Variants in TRMT1 observed in about 807,000 individuals in gnomAD.
The protein encoded by TRMT1 is tRNA methyltransferase 1.
A neutral mutation model predicts 75.4 loss-of-function variants in TRMT1; 63 were observed. The ratio of observed to expected loss-of-function variants is 0.84; its 90% CI spans 0.68 to 1.03. The LOEUF is 1.03. Among genes scored for constraint, TRMT1 ranks in the 50% least tolerant of loss-of-function variants. The pLI, the probability that TRMT1 is intolerant of heterozygous loss-of-function variation, is 0.00. For missense variants in TRMT1, 870 were observed against 905.3 expected, an observed-to-expected ratio of 0.96 and a Z score of 0.50; for synonymous variants, 382 against 358.1, an observed-to-expected ratio of 1.07 and a Z score of -0.75.
rs1000317587 is a variant in TRMT1 at position 13,115,551 on chromosome 19, A to T, written c.453+75T>A. The T allele has an allele frequency of 3.2e-4, 513 of 1,605,532 alleles. 4 individuals are homozygous for T. Among genetic ancestry groups the T allele is most frequent in the Non-Finnish European group, 9.8e-5 (115 of 1,175,864 alleles). On this transcript the variant is annotated intron_variant, in intron 4 of 16. Transcript: ENST00000357720. ...AAGGAGCCCCCACCACCCACCTCCT[A>T]TAGCTCTCCCCCTCCAGGAGCCCTC...
At chr19:13,110,093 G>C in intron 8 of TRMT1, 65 bp downstream of exon 8, 7 of 1,608,568 alleles carry the variant, frequency 4.4e-6, no homozygotes, top group Non-Finnish European at 5.9e-6. Context: ...AGAAGCCCCA[G>C]ATCCCCCAGG....
At chr19:13,113,075 A>G in intron 5 of TRMT1, 64 bp from the exon 6 acceptor site, 1 of 1,296,222 alleles carries the variant, frequency 7.7e-7, no homozygotes, top group Non-Finnish European at 1.1e-6. Flanking sequence ...TCCCCTACAC[A>G]TATTAACTCG....
Position 13,110,269 on chromosome 19 carries a change from G to A in TRMT1, c.908C>T (p.Ala303Val). The A allele has an allele frequency of 6.2e-7, 1 of 1,605,002 alleles. No individual in the cohort carries two copies. Among genetic ancestry groups the A allele is most frequent in the Non-Finnish European group, 8.5e-7 (1 of 1,175,556 alleles). Residue 303 changes from alanine to valine, a missense_variant, in exon 8 of 17, where the codon GCC (alanine) becomes GTC (valine). Ala to Val is a moderately conservative substitution (Grantham distance 64). Coordinates refer to ENST00000357720, the MANE Select transcript of TRMT1 (RefSeq NM_001136035.4). Reference sequence around the variant, plus strand: ...CACCACGAAGCGCTGGTAGCAGTTGGCGCGGAGGTCCAGGCTGTGCAGGAC... The same window carrying A: ...CACCACGAAGCGCTGGTAGCAGTTGACGCGGAGGTCCAGGCTGTGCAGGAC... ...RIVLHSLDLRANCYQRFVVPL... is the reference protein window; with the variant it reads ...RIVLHSLDLRVNCYQRFVVPL...
At position 13,109,693 on chromosome 19, in the gene TRMT1, G is replaced by A. The variant is rs748001131; in HGVS notation, c.1177-9C>T. On this transcript the variant is annotated splice_polypyrimidine_tract_variant and intron_variant, in intron 10 of 16. Coordinates refer to ENST00000357720, the MANE Select transcript of TRMT1 (RefSeq NM_001136035.4). ...CACATGGGGCCACCAAGCTGGGGGC[G>A]CACCGGGGACAGGTGAGCAGGGACT... 5.0e-5 allele frequency: 80 copies of A among 1,613,732 alleles called. No homozygotes were observed. Among genetic ancestry groups the A allele is most frequent in the South Asian group, 6.6e-5 (6 of 91,074 alleles).
At chr19:13,112,483 TC>T (rs1213304112) in intron 7 of TRMT1, among the ~76,000 whole-genome samples, 1 of 152,258 alleles carries the variant, frequency 6.6e-6, no homozygotes, top group East Asian at 1.9e-4. Flanking sequence ...TGCACTCCTG[TC>T]CTGGCCAAAG....
chr19:13,106,812 T>C (rs2018891321), intron 14 of TRMT1, among the ~76,000 whole-genome samples: 1 of 134,708 alleles, frequency 7.4e-6, no homozygotes, highest in Admixed American at 8.3e-5. Context: ...GTTATTTTTA[T>C]TTTTATTTAT....
In TRMT1 at chr19:13,105,416, G is replaced by T. The variant is rs1488732549; in HGVS notation, c.1704-20C>A. ...TTGCCCCTGTGCGAGGGGAGGAGTA[G>T]GTGGGACCCCATCTGCCCTTTACCC... On this transcript the variant is annotated intron_variant, in intron 15 of 16. Transcript: ENST00000357720. The T allele has an allele frequency of 5.0e-6, 8 of 1,613,656 alleles. No homozygotes were observed. Among genetic ancestry groups the T allele is most frequent in the Non-Finnish European group, 6.8e-6 (8 of 1,179,994 alleles).
intron 7 of TRMT1, among the ~76,000 whole-genome samples, chr19:13,111,776 T>G (rs1402357059): frequency 6.7e-6 from 1 of 148,608 alleles, no homozygotes; most frequent in Non-Finnish European, 1.5e-5. Flanking sequence ...CTCAGCTCAC[T>G]GCAAGCTCCA....
In TRMT1 at chr19:13,109,976, C is replaced by G; in HGVS notation, c.1045G>C (p.Val349Leu). The G allele has an allele frequency of 6.2e-7, 1 of 1,613,658 alleles. No homozygotes were observed. Among genetic ancestry groups the G allele is most frequent in the Non-Finnish European group, 8.5e-7 (1 of 1,179,936 alleles). The change falls in exon 9 of 17, where the codon GTG becomes CTG. Residue 349 changes from valine to leucine, a missense_variant. Physicochemically the swap from Val to Leu is conservative, Grantham distance 32. Transcript: ENST00000357720. ...ASKQALVFQC[V>L]GCGAFHLQRL... The stretch of plus-strand genomic sequence containing the variant: ...TGAAGGTGGAAGGCCCCGCAGCCCA[C>G]ACACTGGAACACCAGCGCCTGCTTG...
Position 13,109,688 on chromosome 19 carries a change from G to A in TRMT1, c.1177-4C>T. On this transcript the variant is annotated splice_polypyrimidine_tract_variant and splice_region_variant and intron_variant, in intron 10 of 16. Coordinates refer to ENST00000357720, the MANE Select transcript of TRMT1 (RefSeq NM_001136035.4). ...CTGCCCACATGGGGCCACCAAGCTG[G>A]GGGCGCACCGGGGACAGGTGAGCAG... is the stretch of plus-strand genomic sequence containing the variant. The A allele has an allele frequency of 6.2e-7, 1 of 1,613,886 alleles. No individual in the cohort carries two copies. Among genetic ancestry groups the A allele is most frequent in the Non-Finnish European group, 8.5e-7 (1 of 1,179,980 alleles).
rs1302095458 is a variant in TRMT1 at position 13,107,855 on chromosome 19, C to T, written c.1402G>A (p.Ala468Thr). 6.4e-7 allele frequency: 1 copy of T among 1,551,502 alleles called. No individual in the cohort carries two copies. The highest frequency in any genetic ancestry group is 2.0e-5 in the Admixed American group (1 of 50,988). The change falls in exon 13 of 17, where the codon GCC (alanine) becomes ACC (threonine). Residue 468 changes from alanine to threonine, a missense_variant. Transcript: ENST00000357720. The part of the protein sequence containing the change: ...NTPSLLQLRS[A>T]LLHADFRVSL... ...ACCCGGAAGTCAGCGTGGAGGAGGG[C>T]CGACCTGGGGAACAGCAGGGATTAT...
chr19:13,107,478 C>T (rs758105598), intron 14 of TRMT1, 96 bp downstream of exon 14: 65 of 1,397,294 alleles, frequency 4.7e-5, no homozygotes, highest in Non-Finnish European at 5.5e-5. Context: ...AGAATGGGCA[C>T]GAGTCTGTGT....
Position 13,109,807 on chromosome 19 carries a change from C to T in TRMT1, c.1138G>A (p.Val380Met), listed in dbSNP as rs1568365441. The change falls in exon 10 of 17, where the codon GTG becomes ATG. Residue 380 changes from valine (V) to methionine (M), a missense_variant. Coordinates refer to ENST00000357720, the MANE Select transcript of TRMT1 (RefSeq NM_001136035.4). Reference protein sequence around the residue: ...AKFSAACGPPVTPECEHCGQR... With the variant: ...AKFSAACGPPMTPECEHCGQR... ...CCACAGTGTTCACACTCGGGGGTCA[C>T]AGGGGGACCACAGGCTGCAGAGAAC... 6.2e-7 allele frequency: 1 copy of T among 1,614,174 alleles called. No individual in the cohort carries two copies. Among genetic ancestry groups the T allele is most frequent in the Admixed American group, 1.7e-5 (1 of 60,024 alleles).
Position 13,105,388 on chromosome 19 carries a change from G to A in TRMT1, c.1712C>T (p.Ala571Val), listed in dbSNP as rs1465542223. 5 of 1,613,566 alleles carry A rather than the reference G, an allele frequency of 3.1e-6. No individual in the cohort carries two copies. The highest frequency in any genetic ancestry group is 4.2e-6 in the Non-Finnish European group (5 of 1,179,974). ...PRPRARPGGK[A>V]ADEAMEERRR... is the part of the protein sequence containing the mutation. ...TCTCTCCTCCATAGCTTCGTCGGCCGCCTTGCCCCTGTGCGAGGGGAGGAG... is the reference window on the plus strand; with the variant it reads ...TCTCTCCTCCATAGCTTCGTCGGCCACCTTGCCCCTGTGCGAGGGGAGGAG... Residue 571 changes from alanine to valine, a missense_variant, in exon 16 of 17, where the codon GCG (alanine) becomes GTG (valine). Physicochemically the swap from Ala to Val is moderately conservative, Grantham distance 64. Coordinates refer to ENST00000357720, the MANE Select transcript of TRMT1 (RefSeq NM_001136035.4).
rs780818695 is a variant in TRMT1, at chr19:13,109,667, C to T, written c.1194G>A (p.Trp398Ter). The change falls in exon 11 of 17, where the codon TGG becomes TGA. Residue 398 changes from tryptophan to a stop codon, truncating the protein, a stop_gained. Transcript: ENST00000357720. LOFTEE classifies it high-confidence loss of function. ...GQRHQLGGPMWAEPIHDLDFV... is the reference protein window; with the variant it reads ...GQRHQLGGPM Reference sequence around the variant, plus strand: ...AATCCAGGTCATGGATGGGCTCTGCCCACATGGGGCCACCAAGCTGGGGGC... The same window carrying T: ...AATCCAGGTCATGGATGGGCTCTGCTCACATGGGGCCACCAAGCTGGGGGC... 3 of 1,613,854 alleles carry T rather than the reference C, an allele frequency of 1.9e-6. No homozygotes were observed. The highest frequency in any genetic ancestry group is 2.7e-5 in the African/African-American group (2 of 74,894).
At chr19:13,112,359 C>A (rs537970886) in intron 7 of TRMT1, among the ~76,000 whole-genome samples, 150 of 152,142 alleles carry the variant, frequency 9.9e-4, no homozygotes, top group African/African-American at 3.4e-3. Context: ...AGTCACTTGC[C>A]CAGAGCTACC....
chr19:13,113,682 G>A (rs1357484308), intron 5 of TRMT1, among the ~76,000 whole-genome samples: 4 of 151,784 alleles, frequency 2.6e-5, no homozygotes, highest in Non-Finnish European at 4.4e-5. Context: ...GGTTCTCGGC[G>A]CACTGCAACT....
At chr19:13,113,617 T>C (rs2019224287) in intron 5 of TRMT1, among the ~76,000 whole-genome samples, 1 of 151,856 alleles carries the variant, frequency 6.6e-6, no homozygotes, top group African/African-American at 2.4e-5. Flanking sequence ...ATTTTTTTTT[T>C]CCTTTCTTTG....
At chr19:13,105,665 C>G in intron 14 of TRMT1, 59 bp from the exon 15 acceptor site, 1 of 1,530,638 alleles carries the variant, frequency 6.5e-7, no homozygotes, top group Middle Eastern at 2.4e-4. Flanking sequence ...AGTGTGTCCC[C>G]ACTCCCCACA....
Sources: gnomAD v4.1 joint callset for allele counts (sites outside exome capture counted in the v4.1 genomes callset) on GRCh38, gnomAD v4.1.1 for gene constraint, MANE v1.5 for transcripts, NCBI Gene and HGNC (gene_info 2026-07-23, HGNC 2026-07-21) for gene names.